The following NBPF15 variants were observed in gnomAD, a reference collection of about 807,000 sequenced individuals.
NBPF15 encodes NBPF family member NBPF15.
In NBPF15, 74 loss-of-function variants were observed where a neutral mutation model predicts 62.2. The observed-to-expected ratio is 1.19, with a 90% CI of 0.99 to 1.44. The LOEUF (loss-of-function observed/expected upper bound fraction) is 1.44, where lower values mean the gene tolerates loss of function less well. Ranked by LOEUF, NBPF15 falls within the 40% of genes most tolerant of loss-of-function variation. The pLI is 0.00. For missense variants in NBPF15, 790 were observed against 550.0 expected (o/e 1.44, Z -4.36); for synonymous variants, 244 against 209.7 (o/e 1.16, Z -1.41).
At position 144,461,027 on chromosome 1, in the gene NBPF15, C is replaced by T. The variant is rs1460784028; in HGVS notation, c.-937-66G>A. ...AGACCCCAACTTTGCAAGTCAGGGG[C>T]GCGAGTGGTCTCGCTTCTCAGGTCC... is the stretch of plus-strand genomic sequence containing the variant. On this transcript the variant is annotated intron_variant, in intron 1 of 21. Coordinates refer to ENST00000581897, the MANE Select transcript of NBPF15 (RefSeq NM_001385408.1). 2.0e-5 allele frequency: 3 copies of T among 150,800 alleles called. No homozygotes were observed. In the East Asian group the frequency reaches 5.9e-4, roughly 30 times the overall value. 9.3% of individuals were successfully genotyped at this position (150,800 alleles called of 1,614,324 possible). A position where few individuals can be genotyped will look rare whatever the true frequency, so the allele number is the denominator to read the frequency against.
chr1:144,426,963 A>T, intron 17 of NBPF15, 84 bp downstream of exon 17: 1 of 681,940 alleles, frequency 1.5e-6, no homozygotes, highest in South Asian at 1.6e-5. Flanking sequence ...GAAAACATGA[A>T]ATTGAACACA....
intron 17 of NBPF15, among the ~76,000 whole-genome samples, chr1:144,426,836 G>T (rs1213716376): frequency 2.0e-5 from 3 of 149,170 alleles, no homozygotes; most frequent in Non-Finnish European, 3.0e-5. Flanking sequence ...CAGCCTTTGA[G>T]GTATGGTCAA....
rs1553541474 is a variant in NBPF15, at chr1:144,437,151, T to G, written c.279-42A>C. 14 of 1,467,758 alleles carry G rather than the reference T, an allele frequency of 9.5e-6. No individual in the cohort carries two copies. In the East Asian group the frequency reaches 3.2e-4, roughly 33 times the overall value. The allele number at this position is 1,467,758 out of a possible 1,614,324, so 90.9% of individuals were successfully genotyped here. A position where few individuals can be genotyped will look rare whatever the true frequency, so the allele number is the denominator to read the frequency against. On this transcript the variant is annotated intron_variant, in intron 9 of 21. Coordinates refer to ENST00000581897, the MANE Select transcript of NBPF15 (RefSeq NM_001385408.1). ...GAGAAAATTTAAGAGTGGAAAGGGT[T>G]GAGTGATCCGCTCAAATATTGCAAC...
chr1:144,424,009 A>T (rs781848909), intron 20 of NBPF15, 34 bp from the exon 21 acceptor site: 13 of 763,524 alleles, frequency 1.7e-5, no homozygotes, highest in African/African-American at 3.4e-5. Context: ...AGACACATTA[A>T]GCTGATTCCC....
intron 3 of NBPF15, among the ~76,000 whole-genome samples, chr1:144,457,325 G>T (rs1648741276): frequency 6.6e-6 from 1 of 151,922 alleles, no homozygotes; most frequent in Non-Finnish European, 1.5e-5. Flanking sequence ...TGGTCTATCT[G>T]GTCTATCTGT....
chr1:144,428,077 A>C (rs2101736313), intron 15 of NBPF15, 87 bp from the exon 16 acceptor site: 12 of 766,638 alleles, frequency 1.6e-5, no homozygotes, highest in South Asian at 1.5e-4. Flanking sequence ...AACATAAGGA[A>C]GAGTTTGAAA....
At chr1:144,423,343 G>C in intron 21 of NBPF15, 87 bp from the exon 22 acceptor site, 2 of 1,608,558 alleles carry the variant, frequency 1.2e-6, no homozygotes, top group South Asian at 1.1e-5. Context: ...ATATAAGGAA[G>C]TGGTTAGAAA....
At position 144,438,712 on chromosome 1, in the gene NBPF15, C is replaced by A. The variant is rs1475492759; in HGVS notation, c.176-665G>T. 5.9e-5 allele frequency among the ~76,000 whole-genome samples: 9 copies of A among 151,966 alleles called. No homozygotes were observed. The East Asian group carries it at 1.4e-3, about 23-fold the overall frequency. On this transcript the variant is annotated intron_variant, in intron 8 of 21. Transcript: ENST00000581897. ...GTTCTAGGAGATTGACAAGAAATAG[C>A]TCATGTAATTCACTGCAGCAATTTA...
rs1425020316 is a variant in NBPF15, at chr1:144,439,999, A to T, written c.5T>A (p.Val2Glu). The T allele has an allele frequency of 4.4e-6, 7 of 1,607,650 alleles. No homozygotes were observed. Among genetic ancestry groups the T allele is most frequent in the Non-Finnish European group, 6.0e-6 (7 of 1,176,010 alleles). MVVSAGPLSSEK... is the reference protein window; with the variant it reads MEVSAGPLSSEK... ...GCTGGACAAAGGGCCGGCTGATACC[A>T]CCATGCTGACGTTTGTGGCAGAAGA... Residue 2 changes from valine to glutamate, a missense_variant, in exon 8 of 22, where the codon GTG (valine) becomes GAG (glutamate). Coordinates refer to ENST00000581897, the MANE Select transcript of NBPF15 (RefSeq NM_001385408.1).
intron 6 of NBPF15, among the ~76,000 whole-genome samples, chr1:144,444,692 G>A (rs1225805366): frequency 2.0e-5 from 3 of 151,936 alleles, no homozygotes; most frequent in Admixed American, 2.0e-4. Flanking sequence ...ATTAGCTCAG[G>A]AAAACTTTCC....
In NBPF15 at chr1:144,440,225, T is replaced by C; in HGVS notation, c.-120A>G. The C allele has an allele frequency of 1.3e-6, 2 of 1,522,126 alleles. No homozygotes were observed. The highest frequency in any genetic ancestry group is 2.0e-5 in the Admixed American group (1 of 50,818). The allele number at this position is 1,522,126 out of a possible 1,614,324, so 94.3% of individuals were successfully genotyped here. A position where few individuals can be genotyped will look rare whatever the true frequency, so the allele number is the denominator to read the frequency against. ...GGTTCGAGGTGCCTCAACTCAGAGC[T>C]GAAAGCACTGTCAGTAGCGCAGACT... On this transcript the variant is annotated 5_prime_UTR_variant, in exon 7 of 22. Coordinates refer to ENST00000581897, the MANE Select transcript of NBPF15 (RefSeq NM_001385408.1).
At chr1:144,451,063 T>C (rs1340427134) in intron 4 of NBPF15, among the ~76,000 whole-genome samples, 193 bp from the exon 5 acceptor site, 2 of 151,990 alleles carry the variant, frequency 1.3e-5, no homozygotes, top group Non-Finnish European at 2.9e-5. Flanking sequence ...CTGAGTTCCC[T>C]TAGTATTTAT....
chr1:144,443,262 C>CT, intron 6 of NBPF15, among the ~76,000 whole-genome samples: 1 of 152,032 alleles, frequency 6.6e-6, no homozygotes, highest in African/African-American at 2.4e-5. Context: ...AAATCAATAA[C>CT]TGTACATATG....
At chr1:144,429,355 C>G (rs1190457568) in intron 14 of NBPF15, among the ~76,000 whole-genome samples, 1 of 150,976 alleles carries the variant, frequency 6.6e-6, no homozygotes, top group African/African-American at 2.5e-5. Flanking sequence ...TTGTAGCTGG[C>G]AAGAGACATT....
rs1667674436 is a variant in NBPF15, at chr1:144,423,992, C to A, written c.1664-17G>T. 5 of 764,030 alleles carry A rather than the reference C, an allele frequency of 6.5e-6. No individual in the cohort carries two copies. The highest frequency in any genetic ancestry group is 1.3e-5 in the South Asian group (1 of 74,476). The allele number at this position is 764,030 out of a possible 1,614,324, so 47.3% of individuals were successfully genotyped here. Reference sequence around the variant, plus strand: ...TTTCAATTTCTGCAATAAATTCAGACATGGACAGACACATTAAGCTGATTC... The same window carrying A: ...TTTCAATTTCTGCAATAAATTCAGAAATGGACAGACACATTAAGCTGATTC... On this transcript the variant is annotated splice_polypyrimidine_tract_variant and intron_variant, in intron 20 of 21. Coordinates refer to ENST00000581897, the MANE Select transcript of NBPF15 (RefSeq NM_001385408.1).
chr1:144,439,065 C>A (rs1680903945), intron 8 of NBPF15, among the ~76,000 whole-genome samples: 1 of 151,816 alleles, frequency 6.6e-6, no homozygotes, highest in Non-Finnish European at 1.5e-5. Flanking sequence ...CTCACTGCAA[C>A]CTCAGCCTCC....
intron 16 of NBPF15, among the ~76,000 whole-genome samples, 200 bp downstream of exon 16, chr1:144,427,618 A>T (rs1670696072): frequency 6.9e-6 from 1 of 145,834 alleles, no homozygotes; most frequent in African/African-American, 2.8e-5. Context: ...GCCTGAGACT[A>T]GGAAGAGAGC....
chr1:144,440,093 G>C (rs1681680524), intron 7 of NBPF15, 48 bp downstream of exon 7: 3 of 1,577,256 alleles, frequency 1.9e-6, no homozygotes, highest in Non-Finnish European at 8.7e-7. Context: ...AAATCAAATA[G>C]GTTTAATCAG....
intron 20 of NBPF15, 23 bp from the exon 21 acceptor site, chr1:144,423,998 C>T: frequency 1.3e-6 from 1 of 763,936 alleles, no homozygotes; most frequent in Non-Finnish European, 2.4e-6. Flanking sequence ...CAGACATGGA[C>T]AGACACATTA....
Sources: allele counts gnomAD v4.1 joint callset (sites outside exome capture counted in the v4.1 genomes callset), GRCh38; gene constraint gnomAD v4.1.1; transcripts MANE v1.5; gene names NCBI Gene and HGNC (gene_info 2026-07-23, HGNC 2026-07-21).